Variants in FBXL13 observed in about 807,000 individuals in gnomAD.
FBXL13 encodes F-box and leucine-rich repeat protein 13.
A neutral mutation model predicts 83.6 loss-of-function variants in FBXL13; 67 were observed. That is an observed-to-expected ratio of 0.80 (90% CI 0.66 to 0.98). The LOEUF (loss-of-function observed/expected upper bound fraction) is 0.98. FBXL13 is among the 50% of genes least tolerant of loss of function. The probability of loss-of-function intolerance (pLI) is 0.00; values close to 1 mark genes in which losing one functional copy is unlikely to be tolerated. For synonymous variants in FBXL13, 272 were observed against 299.5 expected, an observed-to-expected ratio of 0.91 and a Z score of 0.95; for missense variants, 822 against 866.5, an observed-to-expected ratio of 0.95 and a Z score of 0.64.
chr7:102,814,785 T>C (rs962188982), intron 19 of FBXL13, among the ~76,000 whole-genome samples: 3 of 152,240 alleles, frequency 2.0e-5, no homozygotes, highest in African/African-American at 7.2e-5. Context: ...GTAAGTTTAT[T>C]GTCAAAGATA....
intron 10 of FBXL13, among the ~76,000 whole-genome samples, chr7:102,919,181 A>G (rs1480984919): frequency 1.3e-5 from 2 of 152,232 alleles, no homozygotes; most frequent in East Asian, 1.9e-4. Context: ...AGAAATCAGT[A>G]AACACTAGGA....
exon 10 of FBXL13, chr7:102,926,287 G>T (rs768134477): frequency 1.2e-6 from 2 of 1,612,854 alleles, no homozygotes; most frequent in South Asian, 1.1e-5. Context: ...GGCAGGAGTC[G>T]CATCGTCCTG....
intron 2 of FBXL13, among the ~76,000 whole-genome samples, chr7:103,048,239 T>C (rs955048819): frequency 8.5e-5 from 13 of 152,070 alleles, no homozygotes; most frequent in African/African-American, 3.1e-4. Flanking sequence ...TATATAAAGT[T>C]TTAAAACACT....
At chr7:103,059,657 C>T (rs985827005) in intron 1 of FBXL13, among the ~76,000 whole-genome samples, 2 of 152,004 alleles carry the variant, frequency 1.3e-5, no homozygotes, top group East Asian at 3.9e-4. Context: ...TTACGTAATC[C>T]TCAGTTTCTT....
intron 8 of FBXL13, among the ~76,000 whole-genome samples, chr7:102,940,678 A>G (rs1821249969): frequency 6.6e-6 from 1 of 152,246 alleles, no homozygotes; most frequent in Non-Finnish European, 1.5e-5. Context: ...GTTCTAGATC[A>G]AGACCAATTC....
intron 7 of FBXL13, among the ~76,000 whole-genome samples, chr7:102,964,481 C>T (rs944214913): frequency 1.3e-5 from 2 of 150,598 alleles, no homozygotes; most frequent in African/African-American, 4.9e-5. Context: ...TGGCTCACTG[C>T]AACCTCTGCC....
chr7:102,862,283 T>C (rs1426184194), intron 16 of FBXL13, among the ~76,000 whole-genome samples: 4 of 149,306 alleles, frequency 2.7e-5, no homozygotes, highest in Non-Finnish European at 5.9e-5. Context: ...GAGCTGAGAT[T>C]GCACTACTGT....
chr7:102,969,355 C>T (rs1482258684), intron 6 of FBXL13, among the ~76,000 whole-genome samples: 2 of 152,100 alleles, frequency 1.3e-5, no homozygotes, highest in Non-Finnish European at 2.9e-5. Context: ...CAAGTGTGTA[C>T]TGGATTATAC....
intron 1 of FBXL13, among the ~76,000 whole-genome samples, chr7:103,061,208 T>A (rs886093631): frequency 6.6e-6 from 1 of 151,994 alleles, no homozygotes; most frequent in Non-Finnish European, 1.5e-5. Context: ...TTTTTGTTTT[T>A]TGTTAGACTT....
intron 8 of FBXL13, among the ~76,000 whole-genome samples, chr7:102,962,404 C>T (rs1414923485): frequency 6.6e-6 from 1 of 152,048 alleles, no homozygotes; most frequent in Non-Finnish European, 1.5e-5. Context: ...ACTAGTTCAA[C>T]CATTGTGGAA....
intron 11 of FBXL13, among the ~76,000 whole-genome samples, chr7:102,911,782 C>T (rs1814725798): frequency 6.6e-6 from 1 of 152,182 alleles, no homozygotes; most frequent in Admixed American, 6.5e-5. Flanking sequence ...TTCAGTCATG[C>T]TGAGGAGAAC....
chr7:102,972,151 T>C (rs556384466), intron 6 of FBXL13, among the ~76,000 whole-genome samples: 3 of 151,590 alleles, frequency 2.0e-5, no homozygotes, highest in South Asian at 2.1e-4. Context: ...ATGCAAATAA[T>C]AACAATGGGC....
intron 16 of FBXL13, among the ~76,000 whole-genome samples, chr7:102,863,362 C>T (rs1403072372): frequency 6.6e-6 from 1 of 152,126 alleles, no homozygotes; most frequent in African/African-American, 2.4e-5. Flanking sequence ...CCCAGGACTC[C>T]AGGATGTAGT....
chr7:102,926,167 G>C (rs1210372740), intron 10 of FBXL13, 107 bp downstream of exon 11: 3 of 826,586 alleles, frequency 3.6e-6, no homozygotes, highest in Non-Finnish European at 3.8e-6. Context: ...GTGCCACAGT[G>C]GTGGGGTGTT....
intron 2 of FBXL13, among the ~76,000 whole-genome samples, chr7:103,038,806 C>T (rs951757674): frequency 6.6e-6 from 1 of 152,180 alleles, no homozygotes; most frequent in Non-Finnish European, 1.5e-5. Context: ...ACCAAAACCC[C>T]ATCTGTAGGT....
At chr7:102,819,643 G>A (rs754807669) in intron 19 of FBXL13, among the ~76,000 whole-genome samples, 1 of 152,156 alleles carries the variant, frequency 6.6e-6, no homozygotes, top group Non-Finnish European at 1.5e-5. Flanking sequence ...TCAAGCATGT[G>A]GAGAGCATTG....
Position 103,072,063 on chromosome 7 carries a change from G to A in FBXL13, c.-105+2183C>T, listed in dbSNP as rs532015268. 6.4e-4 allele frequency among the ~76,000 whole-genome samples: 98 copies of A among 151,996 alleles called. 1 individual carries two copies. In the South Asian group the frequency reaches 0.019, roughly 30 times the overall value. The stretch of plus-strand genomic sequence containing the variant: ...CTGAGCATGGTGGCAGGTGCCTGTA[G>A]TCCCAGCTATTTGGGAGGCTGAGGC... On this transcript the variant is annotated intron_variant, in intron 1 of 19. Coordinates refer to ENST00000313221, the Ensembl canonical transcript of FBXL13.
At chr7:103,045,889 T>C (rs1796226660) in intron 2 of FBXL13, among the ~76,000 whole-genome samples, 1 of 152,256 alleles carries the variant, frequency 6.6e-6, no homozygotes, top group Admixed American at 6.5e-5. Context: ...ACGTCATTCA[T>C]AGGTTATAGT....
chr7:102,994,408 C>A (rs1401885383), intron 6 of FBXL13, among the ~76,000 whole-genome samples: 8 of 133,636 alleles, frequency 6.0e-5, no homozygotes, highest in African/African-American at 1.8e-4. Flanking sequence ...TATTCTATTT[C>A]TTTAGAATTC....
Sources: gnomAD v4.1 joint callset for allele counts (sites outside exome capture counted in the v4.1 genomes callset) on GRCh38, gnomAD v4.1.1 for gene constraint, MANE v1.5 for transcripts, NCBI Gene and HGNC (gene_info 2026-07-23, HGNC 2026-07-21) for gene names.